Variants in NOD2 observed in about 807,000 individuals in gnomAD.
NOD2 encodes the protein nucleotide-binding oligomerization domain-containing protein 2.
Under a neutral mutation model 90.9 loss-of-function variants are expected in NOD2, and 86 were observed. That is an observed-to-expected ratio of 0.95 (90% CI 0.79 to 1.13). NOD2 has a LOEUF of 1.13. Among genes scored for constraint, NOD2 ranks in the 50% most tolerant of loss-of-function variants. The pLI is 0.00. For synonymous variants in NOD2, 581 were observed against 554.6 expected, an observed-to-expected ratio of 1.05 and a Z score of -0.67; for missense variants, 1,238 against 1,283.8, an observed-to-expected ratio of 0.96 and a Z score of 0.55.
chr16:50,709,073 G>T (rs1432289453), intron 3 of NOD2, among the ~76,000 whole-genome samples: 1 of 152,010 alleles, frequency 6.6e-6, no homozygotes, highest in African/African-American at 2.4e-5. Context: ...GAGAATTTTA[G>T]TATCATTGGT....
chr16:50,704,637 G>A (rs1458473051), intron 2 of NOD2, among the ~76,000 whole-genome samples: 7 of 151,608 alleles, frequency 4.6e-5, no homozygotes, highest in Non-Finnish European at 1.0e-4. Flanking sequence ...GGGTTTAAGT[G>A]ATTCTTCTTC....
chr16:50,730,697 C>T (rs1965424270), intron 11 of NOD2, among the ~76,000 whole-genome samples: 1 of 152,192 alleles, frequency 6.6e-6, no homozygotes. Flanking sequence ...CAGTAGTTAA[C>T]CAGAGTACAA....
Position 50,711,432 on chromosome 16 carries a change from A to C in NOD2, c.1440A>C (p.Pro480=). The part of the protein sequence containing the change: ...QELLLQEGGS[P]KTTTDMYLLI... ...TGTTGCTGCAGGAGGGGGGGTCCCC[A>C]AAGACCACTACAGATATGTACCTGC... Residue 480 remains proline, a synonymous_variant, in exon 4 of 12, where the codon CCA becomes CCC. Transcript: ENST00000647318. The C allele has an allele frequency of 6.2e-7, 1 of 1,613,508 alleles. No individual in the cohort carries two copies. The highest frequency in any genetic ancestry group is 8.5e-7 in the Non-Finnish European group (1 of 1,180,026).
chr16:50,712,369 C>G lies in NOD2; in HGVS notation c.2377C>G (p.Leu793Val). 6.2e-7 allele frequency: 1 copy of G among 1,613,670 alleles called. No individual in the cohort carries two copies. The highest frequency in any genetic ancestry group is 8.5e-7 in the Non-Finnish European group (1 of 1,180,030). Residue 793 changes from leucine to valine, a missense_variant, in exon 4 of 12, where the codon CTG (leucine) becomes GTG (valine). By Grantham distance (32) the Leu-to-Val change is conservative. Transcript: ENST00000647318. ...GCCTTGCCTTGGTGTCTGCAAGGCT[C>G]TGTAGTGAGTGTTACTGGGCATTGC... ...LLPCLGVCKA[L>V]YLRDNNISDR...
intron 2 of NOD2, among the ~76,000 whole-genome samples, chr16:50,706,303 A>G (rs912634999): frequency 6.6e-6 from 1 of 152,162 alleles, no homozygotes; most frequent in Non-Finnish European, 1.5e-5. Context: ...TGGGCCCTGA[A>G]GGTTACTATT....
At chr16:50,709,298 G>T (rs575459569) in intron 3 of NOD2, among the ~76,000 whole-genome samples, 193 of 152,290 alleles carry the variant, frequency 1.3e-3, no homozygotes, top group African/African-American at 4.4e-3. Flanking sequence ...TCATCAGTGA[G>T]CTCAGAGCTC....
chr16:50,711,781 G>C lies in NOD2; in HGVS notation c.1789G>C (p.Ala597Pro). ...YLALSADVPP[A>P]LLRHLFNCGR... ...GGCACTCAGTGCTGATGTGCCACCA[G>C]CTTTGCTCAGACACCTCTTCAATTG... Residue 597 changes from alanine to proline, a missense_variant, in exon 4 of 12, where the codon GCT becomes CCT. By Grantham distance (27) the Ala-to-Pro change is conservative. This residue lies in a region of NOD2 where 667 missense variants were observed against 688.7 expected (regional missense o/e 0.97). Transcript: ENST00000647318. 3 of 1,614,208 alleles carry C rather than the reference G, an allele frequency of 1.9e-6. No homozygotes were observed. The highest frequency in any genetic ancestry group is 2.5e-6 in the Non-Finnish European group (3 of 1,180,040).
chr16:50,719,939 A>G lies in NOD2; in HGVS notation c.2564A>G (p.Tyr855Cys), dbSNP rs1964971110. Reference protein sequence around the residue: ...NFLALRLGNNYITAAGAQVLA... With the variant: ...NFLALRLGNNCITAAGAQVLA... ...TTCCCTTCCAGGCTGGGGAATAACT[A>G]CATCACTGCCGCGGGAGCCCAAGTG... Residue 855 changes from tyrosine (Y) to cysteine (C), a missense_variant, in exon 7 of 12, where the codon TAC becomes TGC. By Grantham distance (194) the Tyr-to-Cys change is radical. Transcript: ENST00000647318. 6.2e-7 allele frequency: 1 copy of G among 1,614,110 alleles called. No individual in the cohort carries two copies. Among genetic ancestry groups the G allele is most frequent in the Non-Finnish European group, 8.5e-7 (1 of 1,179,994 alleles).
chr16:50,722,259 C>T (rs1350407587), intron 7 of NOD2, among the ~76,000 whole-genome samples: 1 of 152,194 alleles, frequency 6.6e-6, no homozygotes, highest in Non-Finnish European at 1.5e-5. Flanking sequence ...TAGCTAAGGA[C>T]TTGTGGGTGG....
intron 10 of NOD2, 77 bp downstream of exon 10, chr16:50,725,649 C>A: frequency 8.9e-7 from 1 of 1,118,806 alleles, no homozygotes; most frequent in Middle Eastern, 2.3e-4. Flanking sequence ...AGATCTGGGC[C>A]GCTCTCCGCT....
Position 50,722,857 on chromosome 16 carries a change from G to A in NOD2, c.2717+152G>A. 4 of 768,432 alleles carry A rather than the reference G, an allele frequency of 5.2e-6. No homozygotes were observed. In the Admixed American group the frequency reaches 6.1e-5, roughly 12 times the overall value. The allele number at this position is 768,432 out of a possible 1,614,324, so 47.6% of individuals were successfully genotyped here. On this transcript the variant is annotated intron_variant, in intron 8 of 11. Coordinates refer to ENST00000647318, the MANE Select transcript of NOD2 (RefSeq NM_001370466.1). ...AAAAGACCATTGGATTTCAAGAGAG[G>A]ACACTCGAGTCTTTCTGGGTGACTT... is the stretch of plus-strand genomic sequence containing the variant.
rs369098290 is a variant in NOD2 at position 50,710,609 on chromosome 16, A to C, written c.617A>C (p.Gln206Pro). ...MAKLRTTVSA[Q>P]SRFLSTYDGA... ...AAGCTGAGGACCACGGTGTCTGCTC[A>C]GTCTCGCTTCCTCAGTACCTATGAT... Residue 206 changes from glutamine to proline, a missense_variant, in exon 4 of 12, where the codon CAG (glutamine) becomes CCG (proline). Coordinates refer to ENST00000647318, the MANE Select transcript of NOD2 (RefSeq NM_001370466.1). The C allele has an allele frequency of 2.6e-5, 42 of 1,614,094 alleles. No homozygotes were observed. Among genetic ancestry groups the C allele is most frequent in the Non-Finnish European group, 3.3e-5 (39 of 1,180,044 alleles).
chr16:50,710,428 CCA>C (rs1964407048), intron 3 of NOD2, 128 bp from the exon 4 acceptor site: 1 of 1,244,110 alleles, frequency 8.0e-7, no homozygotes, highest in Non-Finnish European at 1.2e-6. Context: ...AATGGAGGAG[CCA>C]GGATGGGCGC....
rs144439629 is a variant in NOD2, at chr16:50,710,940, C to G, written c.948C>G (p.Leu316=). Residue 316 remains leucine, a synonymous_variant, in exon 4 of 12, where the codon CTC becomes CTG. Transcript: ENST00000647318. ...CRQLQCMAKP[L]SVRTLLFEHC... is the part of the protein sequence containing the mutation. ...AGCTGCAGTGCATGGCCAAACCACTCTCTGTGCGGACTCTACTCTTTGAGC... is the reference window on the plus strand; with the variant it reads ...AGCTGCAGTGCATGGCCAAACCACTGTCTGTGCGGACTCTACTCTTTGAGC... The G allele has an allele frequency of 3.7e-6, 6 of 1,614,226 alleles. No homozygotes were observed. Among genetic ancestry groups the G allele is most frequent in the Non-Finnish European group, 5.1e-6 (6 of 1,180,042 alleles).
intron 11 of NOD2, among the ~76,000 whole-genome samples, chr16:50,730,257 C>T (rs1965409004): frequency 6.6e-6 from 1 of 152,196 alleles, no homozygotes; most frequent in African/African-American, 2.4e-5. Context: ...TGGATCAGAC[C>T]TTCTGCGGTT....
At position 50,711,669 on chromosome 16, in the gene NOD2, G is replaced by T. The variant is rs369719210; in HGVS notation, c.1677G>T (p.Val559=). 16 of 1,613,476 alleles carry T rather than the reference G, an allele frequency of 9.9e-6. No individual in the cohort carries two copies. The highest frequency in any genetic ancestry group is 4.5e-5 in the East Asian group (2 of 44,880). Residue 559 remains valine, a synonymous_variant, in exon 4 of 12, where the codon GTG becomes GTT. Transcript: ENST00000647318. ...ATGACATTTCTCTTGGCTTCCTGGT[G>T]CGTGCCAAAGGTGTCGTGCCAGGGA... is the stretch of plus-strand genomic sequence containing the variant. The part of the protein sequence containing the change: ...SPDDISLGFL[V]RAKGVVPGST...
At chr16:50,693,781 AG>A (rs1963519796) in intron 1 of NOD2, 119 bp downstream of exon 1, 1 of 152,232 alleles carries the variant, frequency 6.6e-6, no homozygotes, top group Non-Finnish European at 1.5e-5. Context: ...GGCTTGGGCA[AG>A]GGTTGCCTCG....
intron 7 of NOD2, 139 bp from the exon 8 acceptor site, chr16:50,722,483 C>G (rs575492633): frequency 1.2e-6 from 1 of 832,994 alleles, no homozygotes; most frequent in East Asian, 2.5e-5. Flanking sequence ...GGACCAGGAG[C>G]CCCAGTGAGG....
chr16:50,725,610 C>T (rs773801839), intron 10 of NOD2, 38 bp downstream of exon 10: 155 of 1,519,298 alleles, frequency 1.0e-4, no homozygotes, highest in Non-Finnish European at 1.4e-4. Flanking sequence ...ACAATAATTG[C>T]TGGCCTTTGG....
Sources: gnomAD v4.1 joint callset for allele counts (sites outside exome capture counted in the v4.1 genomes callset) on GRCh38, gnomAD v4.1.1 for gene constraint, gnomAD v4.1.1 regional missense constraint, MANE v1.5 for transcripts, NCBI Gene and HGNC (gene_info 2026-07-23, HGNC 2026-07-21) for gene names.